Variants in SLC15A5 observed in about 807,000 individuals in gnomAD.
SLC15A5 encodes the protein solute carrier family 15 member 5.
Under a neutral mutation model 56.1 loss-of-function variants are expected in SLC15A5, and 58 were observed. The observed-to-expected ratio is 1.03, with a 90% CI of 0.84 to 1.29. The LOEUF (loss-of-function observed/expected upper bound fraction) is 1.29, where lower values mean the gene tolerates loss of function less well. SLC15A5 is among the 50% of genes most tolerant of loss of function. SLC15A5 has a pLI of 0.00. For synonymous variants in SLC15A5, 264 were observed against 250.5 expected, an observed-to-expected ratio of 1.05 and a Z score of -0.51; for missense variants, 681 against 672.1, an observed-to-expected ratio of 1.01 and a Z score of -0.15.
intron 2 of SLC15A5, among the ~76,000 whole-genome samples, chr12:16,264,372 A>G (rs1262901562): frequency 6.6e-6 from 1 of 152,142 alleles, no homozygotes; most frequent in Non-Finnish European, 1.5e-5. Context: ...TTTACCCAAT[A>G]CCTGTACCCC....
chr12:16,239,754 A>G lies in SLC15A5; in HGVS notation c.1089T>C (p.Ala363=). ...AGGTGCTGAAATACTCCAGAAAAGG[A>G]GCCAGAATTAGTAATGGTAGGCTGC... The part of the protein sequence containing the change: ...AISSLPLLIL[A]PFLEYFSTCL... Residue 363 remains alanine (A), a synonymous_variant, in exon 5 of 9, where the codon GCT becomes GCC. Coordinates refer to ENST00000344941, the MANE Select transcript of SLC15A5 (RefSeq NM_001170798.1). 1 of 1,537,328 alleles carries G rather than the reference A, an allele frequency of 6.5e-7. No individual in the cohort carries two copies. The highest frequency in any genetic ancestry group is 2.4e-5 in the East Asian group (1 of 40,918).
At chr12:16,251,059 A>G (rs1420357386) in intron 3 of SLC15A5, among the ~76,000 whole-genome samples, 3 of 151,998 alleles carry the variant, frequency 2.0e-5, no homozygotes, top group Non-Finnish European at 4.4e-5. Context: ...AATTGACAAG[A>G]AATGAATACA....
chr12:16,271,478 CT>C lies in SLC15A5; in HGVS notation c.584+1082del, dbSNP rs2136824110. 6.6e-6 allele frequency among the ~76,000 whole-genome samples: 1 copy of C among 152,218 alleles called. No individual in the cohort carries two copies. Among genetic ancestry groups the C allele is most frequent in the South Asian group, 2.1e-4 (1 of 4,822 alleles). On this transcript the variant is annotated intron_variant, in intron 2 of 8. Transcript: ENST00000344941. This position sits in a 1 kb window ranked among gnomAD's most constrained non-coding sequence, Gnocchi z 8.0. ...CAAGGAAGTAAAGAGTCCCTTCTAC[CT>C]TTGGTAAGACTGCATTGTTCTCTGA...
At chr12:16,194,254 ATGG>A (rs1863872828) in intron 8 of SLC15A5, 88 bp downstream of exon 8, 1 of 720,764 alleles carries the variant, frequency 1.4e-6, no homozygotes, top group African/African-American at 1.8e-5. Context: ...TTGTCCAGTC[ATGG>A]TGTACAGAAT....
intron 2 of SLC15A5, among the ~76,000 whole-genome samples, chr12:16,270,387 T>C (rs1342364993): frequency 3.9e-5 from 6 of 152,142 alleles, no homozygotes; most frequent in African/African-American, 1.4e-4. Context: ...CGGCTGAAAT[T>C]CGTTATATTT....
chr12:16,224,716 G>GTTTT, intron 5 of SLC15A5, 114 bp from the exon 6 acceptor site: 1 of 1,120,590 alleles, frequency 8.9e-7, no homozygotes, highest in Non-Finnish European at 1.2e-6. Context: ...TTGTTTGTTT[G>GTTTT]TTTTTATTTT....
chr12:16,211,414 T>G (rs1424686063), intron 7 of SLC15A5, among the ~76,000 whole-genome samples: 1 of 152,186 alleles, frequency 6.6e-6, no homozygotes, highest in Non-Finnish European at 1.5e-5. Context: ...CTACATTCTT[T>G]GCCCCTTTCC....
At chr12:16,197,647 A>G (rs1454140350) in intron 7 of SLC15A5, among the ~76,000 whole-genome samples, 4 of 152,028 alleles carry the variant, frequency 2.6e-5, no homozygotes, top group Admixed American at 1.3e-4. Flanking sequence ...ACCTTAGATT[A>G]TCACCTCCTC....
At chr12:16,189,862 AAT>A (rs1359393577) in intron 8 of SLC15A5, 47 bp from the exon 9 acceptor site, 21 of 1,339,380 alleles carry the variant, frequency 1.6e-5, no homozygotes, top group Non-Finnish European at 2.0e-5. Context: ...GATGTAGATG[AAT>A]TGATAAATCA....
At chr12:16,224,882 C>A in intron 5 of SLC15A5, among the ~76,000 whole-genome samples, 1 of 128,070 alleles carries the variant, frequency 7.8e-6, no homozygotes. Flanking sequence ...CCCCCCTCCC[C>A]CCACCCCACA....
At position 16,271,944 on chromosome 12, in the gene SLC15A5, G is replaced by C. The variant is rs1037828204; in HGVS notation, c.584+617C>G. Among the ~76,000 whole-genome samples, 21 of 152,152 alleles carry C rather than the reference G, an allele frequency of 1.4e-4. No individual in the cohort carries two copies. Among genetic ancestry groups the C allele is most frequent in the African/African-American group, 4.8e-4 (20 of 41,436 alleles). ...CTTTTAGGTGTTGGGAGCGAACTGG[G>C]TGAGAAACAGAGATGCTGGGTGATG... On this transcript the variant is annotated intron_variant, in intron 2 of 8. Transcript: ENST00000344941. The surrounding 1 kb of genome is among the most constrained non-coding windows in gnomAD (Gnocchi z 8.0).
At chr12:16,226,293 C>T (rs115166407) in intron 5 of SLC15A5, among the ~76,000 whole-genome samples, 6,652 of 152,118 alleles carry the variant, frequency 0.044, 201 homozygotes, top group African/African-American at 0.07. Flanking sequence ...TGTACATGTT[C>T]AATACAGATG....
At chr12:16,209,706 T>C (rs1172650257) in intron 7 of SLC15A5, among the ~76,000 whole-genome samples, 1 of 152,172 alleles carries the variant, frequency 6.6e-6, no homozygotes, top group Non-Finnish European at 1.5e-5. Flanking sequence ...CATCCTACTG[T>C]CTCCTGACTT....
chr12:16,227,668 G>A (rs1245813998), intron 5 of SLC15A5, among the ~76,000 whole-genome samples: 2 of 152,158 alleles, frequency 1.3e-5, no homozygotes, highest in East Asian at 1.9e-4. Flanking sequence ...ATAGATTGGG[G>A]TCAGATCATA....
intron 5 of SLC15A5, among the ~76,000 whole-genome samples, chr12:16,231,153 T>C (rs1018995225): frequency 1.3e-5 from 2 of 152,138 alleles, no homozygotes; most frequent in African/African-American, 4.8e-5. Context: ...GAAAAGAAAG[T>C]TGGAAAAAAC....
chr12:16,244,717 C>G lies in SLC15A5; in HGVS notation c.838G>C (p.Val280Leu). The G allele has an allele frequency of 6.5e-7, 1 of 1,537,574 alleles. No individual in the cohort carries two copies. The highest frequency in any genetic ancestry group is 2.4e-5 in the East Asian group (1 of 40,918). Residue 280 changes from valine to leucine, a missense_variant, in exon 4 of 9, where the codon GTG (valine) becomes CTG (leucine). By Grantham distance (32) the Val-to-Leu change is conservative (BLOSUM62 1). Transcript: ENST00000344941. The stretch of plus-strand genomic sequence containing the variant: ...TTGGCATGGTCTAACTGGCTTGTCA[C>G]GTCTCTGCCAAGATGGCAGTATTGC... ...HPQYCHLGRD[V>L]TSQLDHAKEK...
intron 5 of SLC15A5, among the ~76,000 whole-genome samples, chr12:16,234,515 G>A (rs1343429198): frequency 6.6e-6 from 1 of 152,142 alleles, no homozygotes; most frequent in African/African-American, 2.4e-5. Context: ...TAACTTGTAT[G>A]AGATAATAAC....
chr12:16,198,275 C>A (rs2136238908), intron 7 of SLC15A5, among the ~76,000 whole-genome samples: 1 of 152,208 alleles, frequency 6.6e-6, no homozygotes, highest in Admixed American at 6.6e-5. Flanking sequence ...AGAAAATGTG[C>A]ATTCCATGCT....
At chr12:16,241,127 G>A (rs1864411202) in intron 4 of SLC15A5, among the ~76,000 whole-genome samples, 1 of 151,988 alleles carries the variant, frequency 6.6e-6, no homozygotes, top group East Asian at 1.9e-4. Flanking sequence ...ATGATCTTTA[G>A]TAGCGCATAG....
Sources: gnomAD v4.1 joint callset for allele counts (sites outside exome capture counted in the v4.1 genomes callset) on GRCh38, gnomAD v4.1.1 for gene constraint, Gnocchi (gnomAD v3.1) non-coding constraint, MANE v1.5 for transcripts, NCBI Gene and HGNC (gene_info 2026-07-23, HGNC 2026-07-21) for gene names.